The following SMOC1 variants were observed in gnomAD, a reference collection of about 807,000 sequenced individuals.
SMOC1 encodes SPARC-related modular calcium-binding protein 1.
In SMOC1, 22 loss-of-function variants were observed where a neutral mutation model predicts 56.3. That is an observed-to-expected ratio of 0.39 (90% CI 0.28 to 0.56). The LOEUF (loss-of-function observed/expected upper bound fraction) is 0.56. Ranked by LOEUF, SMOC1 falls within the 20% of genes least tolerant of loss-of-function variation. SMOC1 has a pLI of 0.61. For synonymous variants in SMOC1, 193 were observed against 215.0 expected (o/e 0.90, Z 0.89); for missense variants, 509 against 565.4 (o/e 0.90, Z 1.01).
chr14:69,894,560 G>C (rs1285121773), intron 1 of SMOC1, among the ~76,000 whole-genome samples: 3 of 152,170 alleles, frequency 2.0e-5, no homozygotes, highest in African/African-American at 7.2e-5. Context: ...TACTGGACAA[G>C]GTAAGAGAGT....
intron 11 of SMOC1, among the ~76,000 whole-genome samples, chr14:70,028,011 A>AG (rs1214517233): frequency 6.6e-6 from 1 of 151,944 alleles, no homozygotes; most frequent in Non-Finnish European, 1.5e-5. Context: ...GTGGGCTGCG[A>AG]GGGGCTTGCA....
At chr14:69,980,728 G>T (rs747514783) in intron 5 of SMOC1, among the ~76,000 whole-genome samples, 6 of 152,148 alleles carry the variant, frequency 3.9e-5, no homozygotes, top group Admixed American at 1.3e-4. Flanking sequence ...GCTTGTGCCC[G>T]CACATGGCTT....
chr14:69,981,232 A>AGG (rs147059353), intron 5 of SMOC1, among the ~76,000 whole-genome samples: 8,518 of 151,310 alleles, frequency 0.056, 342 homozygotes, highest in African/African-American at 0.12. Flanking sequence ...TGGGGGAAGG[A>AGG]GGGGGAGACA....
At chr14:69,918,556 A>G (rs1338814508) in intron 1 of SMOC1, among the ~76,000 whole-genome samples, 2 of 152,106 alleles carry the variant, frequency 1.3e-5, no homozygotes, top group Non-Finnish European at 2.9e-5. Context: ...CATGAACCCT[A>G]GGGTCAGATT....
chr14:70,027,877 GC>G (rs562471660), intron 11 of SMOC1, among the ~76,000 whole-genome samples: 1 of 152,106 alleles, frequency 6.6e-6, no homozygotes, highest in Non-Finnish European at 1.5e-5. Flanking sequence ...TTTCAGAACT[GC>G]CCCCTCCATC....
At chr14:69,916,457 A>G (rs1884688827) in intron 1 of SMOC1, among the ~76,000 whole-genome samples, 2 of 152,138 alleles carry the variant, frequency 1.3e-5, no homozygotes, top group African/African-American at 2.4e-5. Flanking sequence ...TCAAATGTAG[A>G]TCAGATCATT....
intron 3 of SMOC1, among the ~76,000 whole-genome samples, chr14:69,968,900 G>C (rs1216960934): frequency 6.6e-6 from 1 of 152,186 alleles, no homozygotes; most frequent in Non-Finnish European, 1.5e-5. Flanking sequence ...GAGACAGATG[G>C]GGAGAAATGA....
chr14:70,026,215 C>T (rs1045105611), intron 11 of SMOC1, among the ~76,000 whole-genome samples: 1 of 152,170 alleles, frequency 6.6e-6, no homozygotes, highest in Non-Finnish European at 1.5e-5. Flanking sequence ...TGGCCAATGT[C>T]GGGAAGAGAC....
chr14:69,933,299 G>A (rs947670590), intron 1 of SMOC1, among the ~76,000 whole-genome samples: 4 of 151,844 alleles, frequency 2.6e-5, no homozygotes, highest in East Asian at 1.9e-4. Flanking sequence ...TAATAACATC[G>A]TTCTCCCATT....
intron 1 of SMOC1, among the ~76,000 whole-genome samples, chr14:69,924,789 G>A (rs576894672): frequency 1.5e-4 from 1 of 6,494 alleles, no homozygotes; most frequent in South Asian, 2.7e-3. Flanking sequence ...AGGTAAGGGA[G>A]GTAGGGGAGG....
At chr14:69,981,012 G>A (rs535782345) in intron 5 of SMOC1, among the ~76,000 whole-genome samples, 7 of 152,262 alleles carry the variant, frequency 4.6e-5, no homozygotes, top group Admixed American at 1.3e-4. Context: ...GTGTGACCAC[G>A]GAGAGTCTGG....
At position 69,884,205 on chromosome 14, in the gene SMOC1, C is replaced by T. The variant is rs555254678; in HGVS notation, c.99+4428C>T. ...ACAGGCGTGAGCCACCGCGCCCGGC[C>T]GAGCATTTTTAAATATACCTATTGC... On this transcript the variant is annotated intron_variant, in intron 1 of 11. Transcript: ENST00000361956. Among the ~76,000 whole-genome samples, 56 of 152,248 alleles carry T rather than the reference C, an allele frequency of 3.7e-4. 1 individual carries two copies. The highest frequency in any genetic ancestry group is 5.9e-4 in the Non-Finnish European group (40 of 68,010).
chr14:69,879,613 C>A lies in SMOC1; in HGVS notation c.-66C>A. The A allele has an allele frequency of 1.6e-6, 2 of 1,255,832 alleles. No individual in the cohort carries two copies. The highest frequency in any genetic ancestry group is 3.7e-5 in the South Asian group (2 of 53,840). The allele number at this position is 1,255,832 out of a possible 1,614,324, so 77.8% of individuals were successfully genotyped here. On this transcript the variant is annotated 5_prime_UTR_variant, in exon 1 of 12. Coordinates refer to ENST00000361956, the MANE Select transcript of SMOC1 (RefSeq NM_001034852.3). ...CCCCGAGCGAAGGAAGGAAGGGAGG[C>A]GCGCTGTGCGCCCCGCGGAGCCCGC...
chr14:69,994,345 C>A (rs529546511), intron 6 of SMOC1, 55 bp from the exon 7 acceptor site: 25 of 1,365,954 alleles, frequency 1.8e-5, no homozygotes, highest in Non-Finnish European at 2.5e-5. Flanking sequence ...GTTACACTTC[C>A]ACTCACATAG....
In SMOC1 at chr14:69,903,151, G is replaced by A. The variant is rs373903631; in HGVS notation, c.99+23374G>A. ...AAGTGAGGACCGCCTCTTCCTGGCCGCCATCCCGTCTAGGAAGTCAGGAGC... is the reference window on the plus strand; with the variant it reads ...AAGTGAGGACCGCCTCTTCCTGGCCACCATCCCGTCTAGGAAGTCAGGAGC... On this transcript the variant is annotated intron_variant, in intron 1 of 11. Coordinates refer to ENST00000361956, the MANE Select transcript of SMOC1 (RefSeq NM_001034852.3). Among the ~76,000 whole-genome samples, 17 of 151,986 alleles carry A rather than the reference G, an allele frequency of 1.1e-4. 3 individuals carry two copies. Among genetic ancestry groups the A allele is most frequent in the South Asian group, 8.3e-4 (4 of 4,812 alleles).
At chr14:69,984,178 A>G (rs573798708) in intron 5 of SMOC1, among the ~76,000 whole-genome samples, 7 of 152,246 alleles carry the variant, frequency 4.6e-5, no homozygotes, top group African/African-American at 1.7e-4. Flanking sequence ...CCACAAACAA[A>G]TGGTGCTCTA....
chr14:69,953,996 G>T (rs931605240), intron 3 of SMOC1, among the ~76,000 whole-genome samples: 1 of 118,162 alleles, frequency 8.5e-6, no homozygotes, highest in African/African-American at 3.8e-5. Flanking sequence ...GTGTACTATG[G>T]TTCTTGGAGT....
At chr14:70,020,906 A>G (rs1265743496) in intron 10 of SMOC1, among the ~76,000 whole-genome samples, 1 of 152,194 alleles carries the variant, frequency 6.6e-6, no homozygotes, top group Non-Finnish European at 1.5e-5. Flanking sequence ...GCAGAGCTCT[A>G]TCAATGGAGT....
intron 1 of SMOC1, among the ~76,000 whole-genome samples, chr14:69,880,683 A>T (rs1349833123): frequency 6.6e-6 from 1 of 152,246 alleles, no homozygotes; most frequent in Non-Finnish European, 1.5e-5. Flanking sequence ...TCTCTGGCCA[A>T]GCATCAGTTT....
Sources: allele counts gnomAD v4.1 joint callset (sites outside exome capture counted in the v4.1 genomes callset), GRCh38; gene constraint gnomAD v4.1.1; transcripts MANE v1.5; gene names NCBI Gene and HGNC (gene_info 2026-07-23, HGNC 2026-07-21).